Variants in SH3BP4 observed in about 807,000 individuals in gnomAD.
SH3BP4 encodes the protein SH3 domain-binding protein 4.
In SH3BP4, 33 loss-of-function variants were observed where a neutral mutation model predicts 65.5. The ratio of observed to expected loss-of-function variants is 0.50; its 90% CI spans 0.38 to 0.67. SH3BP4 has a LOEUF of 0.67. SH3BP4 is among the 30% of genes least tolerant of loss of function. The pLI, the probability that SH3BP4 is intolerant of heterozygous loss-of-function variation, is 0.00. For synonymous variants in SH3BP4, 552 were observed against 545.5 expected, an observed-to-expected ratio of 1.01 and a Z score of -0.17; for missense variants, 1,134 against 1,261.4, an observed-to-expected ratio of 0.90 and a Z score of 1.53.
chr2:234,981,580 A>C (rs1475942441), intron 1 of SH3BP4: 1 of 152,172 alleles, frequency 6.6e-6, no homozygotes, highest in Non-Finnish European at 1.5e-5. Flanking sequence ...ATTCCTGGAG[A>C]AAGTTAAAAT....
At chr2:235,036,659 G>A (rs1695390271) in intron 3 of SH3BP4, among the ~76,000 whole-genome samples, 1 of 151,266 alleles carries the variant, frequency 6.6e-6, no homozygotes, top group African/African-American at 2.4e-5. Flanking sequence ...GGAGGCTGAG[G>A]CAGGAGAATC....
In SH3BP4 at chr2:235,026,651, G is replaced by C. The variant is rs1695010550; in HGVS notation, c.-132-8220G>C. 6.6e-6 allele frequency among the ~76,000 whole-genome samples: 1 copy of C among 152,232 alleles called. No homozygotes were observed. Among genetic ancestry groups the C allele is most frequent in the Admixed American group, 6.5e-5 (1 of 15,290 alleles). On this transcript the variant is annotated intron_variant, in intron 2 of 5. Coordinates refer to ENST00000392011, the MANE Select transcript of SH3BP4 (RefSeq NM_014521.3). This position sits in a 1 kb window ranked among gnomAD's most constrained non-coding sequence, Gnocchi z 4.6. Reference sequence around the variant, plus strand: ...AGGTGACCTCTGTGCGTAGTCCCAGGTAGATGTGGCACCCAGGATATGCCC... The same window carrying C: ...AGGTGACCTCTGTGCGTAGTCCCAGCTAGATGTGGCACCCAGGATATGCCC...
intron 1 of SH3BP4, among the ~76,000 whole-genome samples, chr2:234,954,472 A>G (rs79346706): frequency 0.1 from 15,765 of 152,174 alleles, 1,047 homozygotes; most frequent in Non-Finnish European, 0.15. Context: ...GGGTTTTGGA[A>G]AGACCCAGAA....
At chr2:234,954,699 T>C (rs1692549076) in intron 1 of SH3BP4, among the ~76,000 whole-genome samples, 1 of 152,208 alleles carries the variant, frequency 6.6e-6, no homozygotes, top group South Asian at 2.1e-4. Context: ...TCATAAGATA[T>C]GCGAATGGTG....
intron 1 of SH3BP4, among the ~76,000 whole-genome samples, chr2:234,961,670 T>C (rs1323973532): frequency 6.6e-6 from 1 of 152,196 alleles, no homozygotes; most frequent in Admixed American, 6.5e-5. Flanking sequence ...TCTTAGATAC[T>C]GAGTTAATAG....
chr2:234,971,431 G>T (rs1403740903), intron 1 of SH3BP4, among the ~76,000 whole-genome samples: 1 of 152,194 alleles, frequency 6.6e-6, no homozygotes, highest in Non-Finnish European at 1.5e-5. Flanking sequence ...TGGCTATTGC[G>T]AATAATGCTG....
At chr2:235,049,153 C>T (rs1294420782) in intron 4 of SH3BP4, among the ~76,000 whole-genome samples, 2 of 152,166 alleles carry the variant, frequency 1.3e-5, no homozygotes, top group Non-Finnish European at 2.9e-5. Context: ...AAGTGCCGAC[C>T]TCTCCTTTCA....
At chr2:235,023,937 G>A (rs12471688) in intron 2 of SH3BP4, among the ~76,000 whole-genome samples, 32,021 of 152,016 alleles carry the variant, frequency 0.21, 3,649 homozygotes, top group East Asian at 0.45. Context: ...CTTTATCTAC[G>A]TCTTTGATTT....
chr2:235,001,304 G>A (rs1694089773), intron 2 of SH3BP4, among the ~76,000 whole-genome samples: 1 of 152,164 alleles, frequency 6.6e-6, no homozygotes, highest in Non-Finnish European at 1.5e-5. Flanking sequence ...TAAAGAGAGG[G>A]TCCAGAGACT....
Position 234,991,912 on chromosome 2 carries a change from CCT to C in SH3BP4, c.-206-3390_-206-3389del, listed in dbSNP as rs1345230202. On this transcript the variant is annotated intron_variant, in intron 1 of 5. Coordinates refer to ENST00000392011, the MANE Select transcript of SH3BP4 (RefSeq NM_014521.3). The surrounding 1 kb of genome is among the most constrained non-coding windows in gnomAD (Gnocchi z 4.2). ...GTCCAGTTCTGGCGTCTCTGAGCCC[CCT>C]GTCAGGGCAGCTGGGTCCCCCCATA... Among the ~76,000 whole-genome samples the C allele has an allele frequency of 6.6e-6, 1 of 152,210 alleles. No individual in the cohort carries two copies. The highest frequency in any genetic ancestry group is 2.4e-5 in the African/African-American group (1 of 41,460).
intron 1 of SH3BP4, among the ~76,000 whole-genome samples, chr2:234,957,580 G>A (rs1035577300): frequency 1.3e-5 from 2 of 151,134 alleles, no homozygotes; most frequent in African/African-American, 4.9e-5. Context: ...AAGAGTAGAA[G>A]GCTTCAAAAC....
intron 2 of SH3BP4, among the ~76,000 whole-genome samples, chr2:235,029,844 A>C (rs1392479216): frequency 6.6e-6 from 1 of 152,176 alleles, no homozygotes; most frequent in Non-Finnish European, 1.5e-5. Context: ...TCCACAGTCC[A>C]TGCACTGATG....
rs575641023 is a variant in SH3BP4, at chr2:235,041,807, C to T, written c.1038C>T (p.Val346=). Residue 346 remains valine (V), a synonymous_variant, in exon 4 of 6, where the codon GTC becomes GTT. Transcript: ENST00000392011. The surrounding 1 kb of genome is among the most constrained non-coding windows in gnomAD (Gnocchi z 6.0). ...SISIHVPEGH[V]APGETQQISM... is the part of the protein sequence containing the mutation. ...GCATCCACGTGCCCGAGGGCCACGT[C>T]GCCCCTGGGGAGACCCAGCAGATCT... 70 of 1,595,176 alleles carry T rather than the reference C, an allele frequency of 4.4e-5. No homozygotes were observed. Among genetic ancestry groups the T allele is most frequent in the Non-Finnish European group, 5.6e-5 (65 of 1,169,164 alleles).
Position 235,042,611 on chromosome 2 carries a change from A to T in SH3BP4, c.1842A>T (p.Lys614Asn). 6.2e-7 allele frequency: 1 copy of T among 1,614,004 alleles called. No individual in the cohort carries two copies. The highest frequency in any genetic ancestry group is 1.3e-5 in the African/African-American group (1 of 74,986). Residue 614 changes from lysine to asparagine, a missense_variant, in exon 4 of 6, where the codon AAA becomes AAT. Physicochemically the swap from Lys to Asn is moderately conservative, Grantham distance 94. Transcript: ENST00000392011. The surrounding 1 kb of genome is among the most constrained non-coding windows in gnomAD (Gnocchi z 7.3). The part of the protein sequence containing the change: ...FCVQTPQPPP[K>N]SAIKPSGQRR... ...TCCAGACTCCTCAGCCACCCCCTAA[A>T]AGTGCCATCAAGCCTTCCGGGCAAA...
intron 1 of SH3BP4, among the ~76,000 whole-genome samples, chr2:234,980,631 G>A (rs942645541): frequency 2.0e-5 from 3 of 152,144 alleles, no homozygotes; most frequent in African/African-American, 4.8e-5. Context: ...TAGGGAGTGC[G>A]GCTGGGCCTT....
intron 1 of SH3BP4, among the ~76,000 whole-genome samples, chr2:234,958,070 G>A (rs897743904): frequency 1.8e-4 from 28 of 152,202 alleles, no homozygotes; most frequent in African/African-American, 5.8e-4. Context: ...CAGGGGGTCA[G>A]GATGAAGCCA....
chr2:235,051,283 C>A (rs574210312), intron 4 of SH3BP4, among the ~76,000 whole-genome samples: 1 of 152,206 alleles, frequency 6.6e-6, no homozygotes, highest in Non-Finnish European at 1.5e-5. Context: ...GTGTACAGGA[C>A]TAGCAGGCCT....
chr2:234,969,300 G>A (rs1467915831), intron 1 of SH3BP4, among the ~76,000 whole-genome samples: 1 of 152,136 alleles, frequency 6.6e-6, no homozygotes, highest in Non-Finnish European at 1.5e-5. Context: ...GTGGCTTTGG[G>A]GAACGGTAGA....
chr2:234,965,821 T>C (rs1333024923), intron 1 of SH3BP4, among the ~76,000 whole-genome samples: 1 of 152,238 alleles, frequency 6.6e-6, no homozygotes, highest in East Asian at 1.9e-4. Flanking sequence ...CAGCCGATGA[T>C]TGCCAACTAG....
Sources: gnomAD v4.1 joint callset for allele counts (sites outside exome capture counted in the v4.1 genomes callset) on GRCh38, gnomAD v4.1.1 for gene constraint, Gnocchi (gnomAD v3.1) non-coding constraint, MANE v1.5 for transcripts, NCBI Gene and HGNC (gene_info 2026-07-23, HGNC 2026-07-21) for gene names.